ATXN1: variants seen among roughly 807,000 people sequenced by gnomAD.
ATXN1 encodes the protein ataxin 1.
In ATXN1, 8 loss-of-function variants were observed where a neutral mutation model predicts 56.4. The ratio of observed to expected loss-of-function variants is 0.14; its 90% CI spans 0.08 to 0.26. The LOEUF (loss-of-function observed/expected upper bound fraction) is 0.26. Ranked by LOEUF, ATXN1 falls within the 10% of genes least tolerant of loss-of-function variation. The pLI, the probability that ATXN1 is intolerant of heterozygous loss-of-function variation, is 1.00. For missense variants in ATXN1, 987 were observed against 1,106.5 expected, an observed-to-expected ratio of 0.89 and a Z score of 1.53; for synonymous variants, 514 against 494.6, an observed-to-expected ratio of 1.04 and a Z score of -0.52.
intron 6 of ATXN1, among the ~76,000 whole-genome samples, chr6:16,419,042 T>G (rs1758974940): frequency 6.6e-6 from 1 of 152,136 alleles, no homozygotes; most frequent in African/African-American, 2.4e-5. Flanking sequence ...CCACCCACCC[T>G]AAGCCCCAAT....
chr6:16,656,626 T>A (rs1195914744), intron 3 of ATXN1, among the ~76,000 whole-genome samples: 1 of 152,188 alleles, frequency 6.6e-6, no homozygotes, highest in African/African-American at 2.4e-5. Context: ...GGCCCATGTA[T>A]ACTTAAAAGT....
At chr6:16,493,130 C>T (rs1760702561) in intron 5 of ATXN1, among the ~76,000 whole-genome samples, 1 of 152,190 alleles carries the variant, frequency 6.6e-6, no homozygotes, top group Non-Finnish European at 1.5e-5. Context: ...ATCGAACTTC[C>T]TAAAGTAGAT....
chr6:16,369,332 G>C (rs1761991345), intron 6 of ATXN1, among the ~76,000 whole-genome samples: 1 of 152,104 alleles, frequency 6.6e-6, no homozygotes, highest in Admixed American at 6.5e-5. Flanking sequence ...TCCAACAGAG[G>C]TTCTTCCCTC....
Position 16,350,589 on chromosome 6 carries a change from G to A in ATXN1, c.-160-22119C>T, listed in dbSNP as rs547571824. 5.3e-4 allele frequency among the ~76,000 whole-genome samples: 80 copies of A among 151,612 alleles called. No homozygotes were observed. The South Asian group carries it at 0.016, about 31-fold the overall frequency. On this transcript the variant is annotated intron_variant, in intron 6 of 7. Transcript: ENST00000436367. ...TCTTCAAAATGTCTCAACTCTTGGGGTGAAGCTTGAAGTCTCTCTTTTTCC... is the reference window on the plus strand; with the variant it reads ...TCTTCAAAATGTCTCAACTCTTGGGATGAAGCTTGAAGTCTCTCTTTTTCC...
intron 4 of ATXN1, among the ~76,000 whole-genome samples, chr6:16,577,523 C>CAAAAAAAAAAAAAAAA (rs61193572): frequency 1.3e-5 from 1 of 77,022 alleles, no homozygotes. Flanking sequence ...GACTCTGTCT[C>CAAAAAAAAAAAAAAAA]AAAAAAAAAA....
At chr6:16,625,861 A>G (rs1763397570) in intron 3 of ATXN1, among the ~76,000 whole-genome samples, 1 of 152,194 alleles carries the variant, frequency 6.6e-6, no homozygotes, top group East Asian at 1.9e-4. Flanking sequence ...AACTCTAGGT[A>G]CCAAGCATTC....
At chr6:16,653,375 A>G (rs1338249946) in intron 3 of ATXN1, among the ~76,000 whole-genome samples, 3 of 152,268 alleles carry the variant, frequency 2.0e-5, no homozygotes, top group Non-Finnish European at 4.4e-5. Flanking sequence ...TGCGTCCACT[A>G]GAGCTAAACT....
chr6:16,318,757 A>C (rs1479525885), intron 7 of ATXN1, among the ~76,000 whole-genome samples: 1 of 152,188 alleles, frequency 6.6e-6, no homozygotes, highest in Non-Finnish European at 1.5e-5. Context: ...TTTTTCTTAC[A>C]CATGGTAGCG....
chr6:16,370,383 C>A (rs543353830), intron 6 of ATXN1, among the ~76,000 whole-genome samples: 61 of 152,198 alleles, frequency 4.0e-4, no homozygotes, highest in Non-Finnish European at 7.5e-4. Context: ...ACTGAAGCTA[C>A]TAAAATTGTT....
At chr6:16,314,141 C>G (rs1160514479) in intron 7 of ATXN1, among the ~76,000 whole-genome samples, 2 of 152,204 alleles carry the variant, frequency 1.3e-5, no homozygotes, top group African/African-American at 4.8e-5. Context: ...TTAGTGTGAA[C>G]TACCTAGACA....
At chr6:16,528,387 C>T (rs534724813) in intron 4 of ATXN1, among the ~76,000 whole-genome samples, 3 of 152,234 alleles carry the variant, frequency 2.0e-5, no homozygotes, top group African/African-American at 7.2e-5. Flanking sequence ...ATGGGAGGGC[C>T]CATAACATAT....
rs1346284717 is a variant in ATXN1, at chr6:16,703,335, G to A, written c.-614-45434C>T. Among the ~76,000 whole-genome samples the A allele has an allele frequency of 3.9e-5, 6 of 152,270 alleles. No homozygotes were observed. In the South Asian group the frequency reaches 6.2e-4, roughly 16 times the overall value. On this transcript the variant is annotated intron_variant, in intron 2 of 7. Coordinates refer to ENST00000436367, the MANE Select transcript of ATXN1 (RefSeq NM_001128164.2). The stretch of plus-strand genomic sequence containing the variant: ...ACCACACCCCAGGGCCTGTTGTGGG[G>A]TGGGGGGAAGGGGGAGGGATAGCAT...
At chr6:16,487,195 T>C (rs1047152796) in intron 5 of ATXN1, among the ~76,000 whole-genome samples, 11 of 152,316 alleles carry the variant, frequency 7.2e-5, no homozygotes, top group African/African-American at 2.6e-4. Flanking sequence ...ATTTAAGTGC[T>C]ACACTAGAAT....
At position 16,619,667 on chromosome 6, in the gene ATXN1, G is replaced by T. The variant is rs115231235; in HGVS notation, c.-488-33760C>A. ...TTCTGTATTTCCAGTTTTTCTAAAT[G>T]AATATATACATCCCTTCTGTGATCA... On this transcript the variant is annotated intron_variant, in intron 3 of 7. Coordinates refer to ENST00000436367, the MANE Select transcript of ATXN1 (RefSeq NM_001128164.2). 7.0e-3 allele frequency among the ~76,000 whole-genome samples: 1,071 copies of T among 152,232 alleles called. 8 individuals carry two copies. The highest frequency in any genetic ancestry group is 0.025 in the African/African-American group (1,030 of 41,530).
chr6:16,463,168 GA>G (rs981786770), intron 6 of ATXN1, among the ~76,000 whole-genome samples: 5 of 152,128 alleles, frequency 3.3e-5, no homozygotes, highest in African/African-American at 1.2e-4. Context: ...AGGAGTATGG[GA>G]AAATGAAAAC....
chr6:16,625,130 G>C (rs139352286), intron 3 of ATXN1, among the ~76,000 whole-genome samples: 29 of 152,180 alleles, frequency 1.9e-4, no homozygotes, highest in Middle Eastern at 6.8e-3. Context: ...CTCCCACATC[G>C]ATCAAGTGAG....
chr6:16,495,736 G>A (rs976084602), intron 5 of ATXN1, among the ~76,000 whole-genome samples: 9 of 151,988 alleles, frequency 5.9e-5, no homozygotes, highest in Non-Finnish European at 1.0e-4. Flanking sequence ...GGTGGCAGGC[G>A]CCTGTAGTCC....
chr6:16,657,805 G>A lies in ATXN1; in HGVS notation c.-518C>T, dbSNP rs1339342322. The A allele has an allele frequency of 1.3e-5, 2 of 152,162 alleles. No individual in the cohort carries two copies. The highest frequency in any genetic ancestry group is 2.1e-4 in the South Asian group (1 of 4,830). The allele number at this position is 152,162 out of a possible 1,614,324, so 9.4% of individuals were successfully genotyped here. ...AACCATTTGTGTTTCAAGACCATCC[G>A]TGCAGGCTGAAATCCACTCTTTCTC... On this transcript the variant is annotated 5_prime_UTR_variant, in exon 3 of 8. The change creates a new upstream start codon in the 5' untranslated region. Coordinates refer to ENST00000436367, the MANE Select transcript of ATXN1 (RefSeq NM_001128164.2).
intron 2 of ATXN1, chr6:16,737,015 C>A (rs1428878042): frequency 6.6e-6 from 1 of 152,120 alleles, no homozygotes; most frequent in African/African-American, 2.4e-5. Flanking sequence ...TGTTTCCTTG[C>A]CAGTAACTTT....
Sources: gnomAD v4.1 joint callset for allele counts (sites outside exome capture counted in the v4.1 genomes callset) on GRCh38, gnomAD v4.1.1 for gene constraint, MANE v1.5 for transcripts, NCBI Gene and HGNC (gene_info 2026-07-23, HGNC 2026-07-21) for gene names.